ELP4: variants seen among roughly 807,000 people sequenced by gnomAD.
The protein encoded by ELP4 is elongator acetyltransferase complex subunit 4.
A neutral mutation model predicts 48.9 loss-of-function variants in ELP4; 51 were observed. That is an observed-to-expected ratio of 1.04 (90% CI 0.83 to 1.32). The LOEUF is 1.32. Ranked by LOEUF, ELP4 falls within the 40% of genes most tolerant of loss-of-function variation. ELP4 has a pLI of 0.00. For synonymous variants in ELP4, 210 were observed against 189.2 expected (o/e 1.11, Z -0.90); for missense variants, 519 against 514.6 (o/e 1.01, Z -0.08).
chr11:31,706,868 A>G (rs984229877), intron 9 of ELP4: 15 of 392,956 alleles, frequency 3.8e-5, no homozygotes, highest in Non-Finnish European at 6.7e-5. Flanking sequence ...TTCACTTAAT[A>G]TAATGTCCTC....
chr11:31,782,036 C>T (rs1948388836), intron 9 of ELP4, among the ~76,000 whole-genome samples: 2 of 152,102 alleles, frequency 1.3e-5, no homozygotes, highest in African/African-American at 4.8e-5. Flanking sequence ...TTCTTGACCC[C>T]GTTAACCTTT....
intron 9 of ELP4, among the ~76,000 whole-genome samples, chr11:31,756,458 TCTC>T (rs2134246799): frequency 6.6e-6 from 1 of 152,300 alleles, no homozygotes; most frequent in Admixed American, 6.5e-5. Context: ...TTTTTCTTCT[TCTC>T]CTAGGACTCT....
chr11:31,606,909 T>G (rs1957885644), intron 5 of ELP4, among the ~76,000 whole-genome samples: 1 of 152,168 alleles, frequency 6.6e-6, no homozygotes, highest in Non-Finnish European at 1.5e-5. Flanking sequence ...CCCCCAGAAT[T>G]CATATGTTGA....
At chr11:31,765,544 GACTTT>G (rs1274586614) in intron 9 of ELP4, among the ~76,000 whole-genome samples, 1 of 152,016 alleles carries the variant, frequency 6.6e-6, no homozygotes, top group Non-Finnish European at 1.5e-5. Context: ...AGTAATCATT[GACTTT>G]ACTTTTATTA....
Position 31,704,397 on chromosome 11 carries a change from A to G in ELP4, c.1143+54176A>G, listed in dbSNP as rs1565119957. On this transcript the variant is annotated intron_variant, in intron 9 of 9. Transcript: ENST00000640961. The stretch of plus-strand genomic sequence containing the variant: ...CAAACTATCGCAAGAACAAAAAACC[A>G]TACACCGCATGTTCTCACTCGTAGG... Among the ~76,000 whole-genome samples the G allele has an allele frequency of 1.3e-5, 2 of 152,084 alleles. 1 individual carries two copies. Among genetic ancestry groups the G allele is most frequent in the Non-Finnish European group, 2.9e-5 (2 of 68,026 alleles).
intron 4 of ELP4, among the ~76,000 whole-genome samples, chr11:31,601,704 T>A (rs1957786613): frequency 6.6e-6 from 1 of 152,132 alleles, no homozygotes; most frequent in African/African-American, 2.4e-5. Flanking sequence ...ATTTATTAAC[T>A]CAAACTTAAA....
chr11:31,510,239 A>C, intron 1 of ELP4: 1 of 572,860 alleles, frequency 1.7e-6, no homozygotes, highest in Non-Finnish European at 3.1e-6. Flanking sequence ...CCTGCCCTCC[A>C]ACCCCTTTTC....
intron 9 of ELP4, among the ~76,000 whole-genome samples, chr11:31,695,530 C>T (rs1003830524): frequency 3.4e-4 from 52 of 151,320 alleles, no homozygotes; most frequent in African/African-American, 1.3e-3. Flanking sequence ...GGTGTATAAG[C>T]TTTTTGATGT....
chr11:31,702,500 T>A (rs573351056), intron 9 of ELP4, among the ~76,000 whole-genome samples: 1 of 152,192 alleles, frequency 6.6e-6, no homozygotes, highest in East Asian at 1.9e-4. Flanking sequence ...AAATGTACAG[T>A]TCAGTACTTA....
At chr11:31,708,472 A>T (rs1592242355) in intron 9 of ELP4, among the ~76,000 whole-genome samples, 1 of 152,158 alleles carries the variant, frequency 6.6e-6, no homozygotes, top group East Asian at 1.9e-4. Context: ...TATTGACAGT[A>T]ACACCTCATT....
At chr11:31,668,186 T>A (rs1268963882) in intron 9 of ELP4, among the ~76,000 whole-genome samples, 1 of 152,182 alleles carries the variant, frequency 6.6e-6, no homozygotes, top group African/African-American at 2.4e-5. Context: ...GTATAATATT[T>A]AAATAATTAT....
intron 9 of ELP4, among the ~76,000 whole-genome samples, chr11:31,692,275 C>G (rs1459193771): frequency 1.3e-5 from 2 of 152,020 alleles, no homozygotes; most frequent in Non-Finnish European, 2.9e-5. Flanking sequence ...AAGTACAGAC[C>G]ATGGTTTTCA....
At position 31,629,630 on chromosome 11, in the gene ELP4, G is replaced by C. The variant is rs7937797; in HGVS notation, c.738+2436G>C. Among the ~76,000 whole-genome samples the C allele has an allele frequency of 4.1e-3, 621 of 152,012 alleles. 2 individuals carry two copies. Among genetic ancestry groups the C allele is most frequent in the Non-Finnish European group, 5.9e-3 (398 of 67,918 alleles). On this transcript the variant is annotated intron_variant, in intron 6 of 9. Coordinates refer to ENST00000640961, the MANE Select transcript of ELP4 (RefSeq NM_019040.5). ...CATTTTTGTTGTAAACTTTTGTCAA[G>C]TACTTTTTAATACAATAATAGATAA...
intron 3 of ELP4, among the ~76,000 whole-genome samples, chr11:31,555,830 G>C (rs1956922967): frequency 6.6e-6 from 1 of 151,818 alleles, no homozygotes; most frequent in African/African-American, 2.4e-5. Flanking sequence ...CTCAATTACA[G>C]TTATACTTAG....
intron 5 of ELP4, among the ~76,000 whole-genome samples, chr11:31,619,914 A>G (rs7947424): frequency 0.64 from 96,441 of 151,826 alleles, 33,089 homozygotes; most frequent in Non-Finnish European, 0.76. Flanking sequence ...TGCATATTAG[A>G]GCTCAACATA....
intron 9 of ELP4, among the ~76,000 whole-genome samples, chr11:31,668,802 A>G (rs1277273989): frequency 2.0e-5 from 3 of 151,752 alleles, no homozygotes; most frequent in African/African-American, 7.3e-5. Context: ...TCTTATTTTG[A>G]TATACATACT....
At chr11:31,592,978 G>T (rs1188920730) in intron 3 of ELP4, among the ~76,000 whole-genome samples, 1 of 152,132 alleles carries the variant, frequency 6.6e-6, no homozygotes, top group Non-Finnish European at 1.5e-5. Flanking sequence ...TTATTAAGTT[G>T]TGAGTAACCA....
intron 3 of ELP4, among the ~76,000 whole-genome samples, chr11:31,575,489 C>T (rs1354821756): frequency 6.6e-6 from 1 of 152,140 alleles, no homozygotes; most frequent in Admixed American, 6.5e-5. Context: ...ACATAATTGT[C>T]AGACTCACCA....
chr11:31,606,353 A>T (rs564045650), intron 5 of ELP4, among the ~76,000 whole-genome samples: 36 of 152,268 alleles, frequency 2.4e-4, no homozygotes, highest in African/African-American at 8.7e-4. Context: ...GCTAAGCCTT[A>T]CAGTTATCTA....
Sources: allele counts gnomAD v4.1 joint callset (sites outside exome capture counted in the v4.1 genomes callset), GRCh38; gene constraint gnomAD v4.1.1; transcripts MANE v1.5; gene names NCBI Gene and HGNC (gene_info 2026-07-23, HGNC 2026-07-21).